The following TLL2 variants were observed in gnomAD, a reference collection of about 807,000 sequenced individuals.
The protein encoded by TLL2 is tolloid like 2, also known as tolloid-like protein 2.
Under a neutral mutation model 123.0 loss-of-function variants are expected in TLL2, and 106 were observed. The observed-to-expected ratio is 0.86, with a 90% CI of 0.74 to 1.01. The LOEUF (loss-of-function observed/expected upper bound fraction) is 1.01. Ranked by LOEUF, TLL2 falls within the 50% of genes least tolerant of loss-of-function variation. TLL2 has a pLI of 0.00. For synonymous variants in TLL2, 494 were observed against 516.8 expected, an observed-to-expected ratio of 0.96 and a Z score of 0.60; for missense variants, 1,332 against 1,336.7, an observed-to-expected ratio of 1.00 and a Z score of 0.06.
chr10:96,387,109 A>T, intron 13 of TLL2, 31 bp from the exon 14 acceptor site: 1 of 1,605,346 alleles, frequency 6.2e-7, no homozygotes, highest in South Asian at 1.1e-5. Context: ...CCCCGGTTAC[A>T]TTGTCAGGAA....
chr10:96,498,507 C>A lies in TLL2; in HGVS notation c.175+15004G>T, dbSNP rs144305885. ...CCTCATAAAGGTCCAGCCAGTTTAG[C>A]TTATTGTGGCAGAGATTGCTCATTG... On this transcript the variant is annotated intron_variant, in intron 1 of 20. Coordinates refer to ENST00000357947, the MANE Select transcript of TLL2 (RefSeq NM_012465.4). 5.9e-5 allele frequency among the ~76,000 whole-genome samples: 9 copies of A among 152,316 alleles called. No homozygotes were observed. The East Asian group carries it at 1.7e-3, about 29-fold the overall frequency.
chr10:96,409,234 G>C (rs1846478669), intron 9 of TLL2, among the ~76,000 whole-genome samples: 1 of 152,216 alleles, frequency 6.6e-6, no homozygotes, highest in African/African-American at 2.4e-5. Flanking sequence ...CTGTGCCACA[G>C]ACTGTGTGGA....
intron 3 of TLL2, among the ~76,000 whole-genome samples, chr10:96,442,300 C>T (rs1010904404): frequency 4.6e-5 from 7 of 152,304 alleles, no homozygotes; most frequent in African/African-American, 1.7e-4. Context: ...CTTTCTCCTG[C>T]CTGGGCGGTC....
rs2134063557 is a variant in TLL2, at chr10:96,397,198, C to T, written c.1372G>A (p.Ala458Thr). The T allele has an allele frequency of 6.2e-7, 1 of 1,613,692 alleles. No homozygotes were observed. The highest frequency in any genetic ancestry group is 8.5e-7 in the Non-Finnish European group (1 of 1,179,740). Residue 458 changes from alanine (A) to threonine (T), a missense_variant, in exon 11 of 21, where the codon GCA (alanine) becomes ACA (threonine). Physicochemically the swap from Ala to Thr is moderately conservative, Grantham distance 58. Coordinates refer to ENST00000357947, the MANE Select transcript of TLL2 (RefSeq NM_012465.4). ...ACCTCGCACAAACCTTCGTACGCTG[C>T]AAAGAAGCCCTTGCCCAAGATGTTG... ...SSNILGKGFFAAYEATCGGDM... is the reference protein window; with the variant it reads ...SSNILGKGFFTAYEATCGGDM...
chr10:96,379,221 G>T (rs28438557), intron 16 of TLL2, 129 bp from the exon 17 acceptor site: 182,535 of 1,201,944 alleles, frequency 0.15, 15,101 homozygotes, highest in South Asian at 0.23. Context: ...CCCTCTGATT[G>T]TTCCCTCACT....
intron 1 of TLL2, among the ~76,000 whole-genome samples, chr10:96,511,307 C>G (rs1847628234): frequency 6.6e-6 from 1 of 152,236 alleles, no homozygotes; most frequent in Non-Finnish European, 1.5e-5. Flanking sequence ...TGCTGGCCTT[C>G]CAGACAGCTG....
chr10:96,508,056 A>G (rs977515628), intron 1 of TLL2, among the ~76,000 whole-genome samples: 2 of 152,212 alleles, frequency 1.3e-5, no homozygotes, highest in African/African-American at 4.8e-5. Flanking sequence ...CAGGTGGAGT[A>G]CCAGAGAGAT....
rs940127284 is a variant in TLL2, at chr10:96,366,514, T to G, written c.*1574A>C. ...CTGTTTTAAGGAAAAAATATTCCCA[T>G]GCATTTCTCTGACCTTTCTTTGTAT... On this transcript the variant is annotated 3_prime_UTR_variant, in exon 21 of 21. Coordinates refer to ENST00000357947, the MANE Select transcript of TLL2 (RefSeq NM_012465.4). The G allele has an allele frequency of 3.3e-5, 5 of 152,686 alleles. No individual in the cohort carries two copies. The highest frequency in any genetic ancestry group is 1.2e-4 in the African/African-American group (5 of 41,468). 9.5% of individuals were successfully genotyped at this position (152,686 alleles called of 1,614,324 possible).
chr10:96,475,870 T>C (rs925683892), intron 2 of TLL2, among the ~76,000 whole-genome samples: 3 of 152,134 alleles, frequency 2.0e-5, no homozygotes, highest in African/African-American at 7.2e-5. Flanking sequence ...GCTGTTCTCA[T>C]GATAGTAAGT....
rs144302824 is a variant in TLL2 at position 96,387,021 on chromosome 10, G to A, written c.1784C>T (p.Thr595Met). 717 of 1,614,046 alleles carry A rather than the reference G, an allele frequency of 4.4e-4. 3 individuals are homozygous for A. The African/African-American group carries it at 7.7e-3, about 17-fold the overall frequency. The change falls in exon 14 of 21, where the codon ACG becomes ATG. Residue 595 changes from threonine (T) to methionine (M), a missense_variant. Coordinates refer to ENST00000357947, the MANE Select transcript of TLL2 (RefSeq NM_012465.4). ...ACAGGCACACTTGTAGCTGCCCAGC[G>A]TGTTCACACAGCGATGCTCGCACCC... ...HGGCEHRCVN[T>M]LGSYKCACDP...
chr10:96,450,383 G>C (rs929930860), intron 2 of TLL2, among the ~76,000 whole-genome samples: 2 of 152,202 alleles, frequency 1.3e-5, no homozygotes, highest in Admixed American at 1.3e-4. Flanking sequence ...AAATACTGGC[G>C]TCTGGGTCCC....
At chr10:96,447,040 G>C (rs78770955) in intron 2 of TLL2, among the ~76,000 whole-genome samples, 1,632 of 152,356 alleles carry the variant, frequency 0.011, 8 homozygotes, top group Non-Finnish European at 0.015. Context: ...AGAACGTGAT[G>C]GGAGGAGCTG....
intron 6 of TLL2, 27 bp downstream of exon 6, chr10:96,422,522 T>C: frequency 6.2e-7 from 1 of 1,613,224 alleles, no homozygotes; most frequent in Non-Finnish European, 8.5e-7. Flanking sequence ...GACCGGTGCC[T>C]TCCAGACTCC....
At chr10:96,480,286 T>C in intron 2 of TLL2, 63 bp downstream of exon 2, 2 of 1,372,358 alleles carry the variant, frequency 1.5e-6, no homozygotes, top group Non-Finnish European at 2.1e-6. Context: ...GGACCACATC[T>C]CCCCCTGCTG....
At chr10:96,508,589 C>T (rs1413893381) in intron 1 of TLL2, among the ~76,000 whole-genome samples, 1 of 152,086 alleles carries the variant, frequency 6.6e-6, no homozygotes, top group African/African-American at 2.4e-5. Flanking sequence ...TCAGGCAGTT[C>T]CCTTAGATTT....
At chr10:96,487,057 T>C (rs1025782629) in intron 1 of TLL2, among the ~76,000 whole-genome samples, 3 of 152,216 alleles carry the variant, frequency 2.0e-5, no homozygotes, top group African/African-American at 7.2e-5. Flanking sequence ...ATTAAAAGCA[T>C]GTACTTTTAA....
intron 4 of TLL2, among the ~76,000 whole-genome samples, chr10:96,432,194 C>T (rs768642317): frequency 1.3e-5 from 2 of 152,134 alleles, no homozygotes; most frequent in Non-Finnish European, 2.9e-5. Context: ...CCACTCTAAG[C>T]GCTTTATCTA....
rs1846163886 is a variant in TLL2 at position 96,379,098 on chromosome 10, G to A, written c.2195-6C>T. On this transcript the variant is annotated splice_region_variant and splice_polypyrimidine_tract_variant and intron_variant, in intron 16 of 20. Transcript: ENST00000357947. ...CTTGGCACACTCGTCCTTATCTGGG[G>A]AGATCAATGAACTCTTCTAAGAGGA... The A allele has an allele frequency of 6.2e-7, 1 of 1,613,238 alleles. No individual in the cohort carries two copies. Among genetic ancestry groups the A allele is most frequent in the Non-Finnish European group, 8.5e-7 (1 of 1,179,314 alleles).
At chr10:96,418,319 G>A (rs927430310) in intron 7 of TLL2, among the ~76,000 whole-genome samples, 4 of 152,242 alleles carry the variant, frequency 2.6e-5, no homozygotes, top group African/African-American at 9.6e-5. Context: ...TCCAGAGCTT[G>A]TGCAGTGCCT....
Sources: allele counts gnomAD v4.1 joint callset (sites outside exome capture counted in the v4.1 genomes callset), GRCh38; gene constraint gnomAD v4.1.1; transcripts MANE v1.5; gene names NCBI Gene and HGNC (gene_info 2026-07-23, HGNC 2026-07-21).